Variants in MGAM observed in about 807,000 individuals in gnomAD.
MGAM encodes the protein alpha-1,4-glucosidase.
MGAM carries 253 observed loss-of-function variants against 358.8 expected under a neutral mutation model. The ratio of observed to expected loss-of-function variants is 0.71; its 90% confidence interval spans 0.64 to 0.78. The LOEUF (loss-of-function observed/expected upper bound fraction) is 0.78, where lower values mean the gene tolerates loss of function less well. Among genes scored for constraint, MGAM ranks in the 30% least tolerant of loss-of-function variants. The probability of loss-of-function intolerance (pLI) is 0.00; values close to 1 mark genes in which losing one functional copy is unlikely to be tolerated. For missense variants in MGAM, 3,080 were observed against 3,432.6 expected, an observed-to-expected ratio of 0.90 and a Z score of 2.57; for synonymous variants, 1,105 against 1,227.1, an observed-to-expected ratio of 0.90 and a Z score of 2.08.
chr7:142,050,973 G>T, intron 24 of MGAM, 109 bp downstream of exon 24: 1 of 1,451,404 alleles, frequency 6.9e-7, no homozygotes, highest in Non-Finnish European at 9.6e-7. Flanking sequence ...CACCTTTGAG[G>T]CCTGTTTTGG....
intron 24 of MGAM, 84 bp from the exon 25 acceptor site, chr7:142,052,210 T>G: frequency 1.7e-6 from 2 of 1,207,744 alleles, no homozygotes; most frequent in African/African-American, 3.1e-5. Flanking sequence ...ATTTCTATTT[T>G]TTTTTTATCG....
chr7:142,006,739 C>T (rs782461104), intron 2 of MGAM, among the ~76,000 whole-genome samples: 17 of 152,036 alleles, frequency 1.1e-4, no homozygotes, highest in African/African-American at 2.9e-4. Flanking sequence ...TTTTGGTACC[C>T]GTAGAGCAGA....
At chr7:142,033,705 A>G (rs1422862210) in intron 14 of MGAM, among the ~76,000 whole-genome samples, 1 of 152,006 alleles carries the variant, frequency 6.6e-6, no homozygotes, top group African/African-American at 2.4e-5. Flanking sequence ...GGAAATATGA[A>G]CCTGACATTA....
chr7:142,071,860 T>C (rs7785703), intron 44 of MGAM, among the ~76,000 whole-genome samples: 14,084 of 146,270 alleles, frequency 0.096, 2,101 homozygotes, highest in African/African-American at 0.23. Flanking sequence ...ATAGATTCCA[T>C]CTGTACTAAA....
chr7:142,047,552 T>A (rs951307937), intron 21 of MGAM, among the ~76,000 whole-genome samples: 2 of 152,202 alleles, frequency 1.3e-5, no homozygotes, highest in Non-Finnish European at 2.9e-5. Flanking sequence ...GGTGCTTAAG[T>A]TCTTGCCTCT....
At chr7:141,991,816 A>G (rs1288840813), upstream of MGAM, among the ~76,000 whole-genome samples, 2 of 152,098 alleles carry the variant, frequency 1.3e-5, no homozygotes, top group Non-Finnish European at 2.9e-5. Flanking sequence ...TGCTTTTCTA[A>G]TATCTCCAAG....
chr7:142,048,371 A>G (rs1265856972), intron 22 of MGAM, among the ~76,000 whole-genome samples: 1 of 151,450 alleles, frequency 6.6e-6, no homozygotes, highest in Non-Finnish European at 1.5e-5. Context: ...GATGATCTCG[A>G]TCTCCTAAAT....
chr7:142,026,198 G>A (rs1554460902), intron 8 of MGAM, among the ~76,000 whole-genome samples: 1 of 150,794 alleles, frequency 6.6e-6, no homozygotes, highest in Admixed American at 6.6e-5. Context: ...TACAATTTCT[G>A]ACTTTTTTTT....
At position 142,061,667 on chromosome 7, in the gene MGAM, A is replaced by G. The variant is rs1273117374; in HGVS notation, c.4123-901A>G. ...AGCATTCTTTAGCTCTTTCACTCTTACAATGGTGTGATTATCATAGAGGAG... is the reference window on the plus strand; with the variant it reads ...AGCATTCTTTAGCTCTTTCACTCTTGCAATGGTGTGATTATCATAGAGGAG... On this transcript the variant is annotated intron_variant, in intron 34 of 70. Transcript: ENST00000475668. Among the ~76,000 whole-genome samples, 5 of 152,136 alleles carry G rather than the reference A, an allele frequency of 3.3e-5. No individual in the cohort carries two copies. In the South Asian group the frequency reaches 8.3e-4, roughly 25 times the overall value.
intron 34 of MGAM, 46 bp downstream of exon 34, chr7:142,060,419 A>G: frequency 6.3e-7 from 1 of 1,597,420 alleles, no homozygotes; most frequent in South Asian, 1.1e-5. Context: ...GTTTGTAGGC[A>G]GGGGCAGCTG....
chr7:141,989,288 A>G (rs1328932826), intron 2 of MGAM, among the ~76,000 whole-genome samples: 2 of 152,170 alleles, frequency 1.3e-5, no homozygotes, highest in Non-Finnish European at 2.9e-5. Flanking sequence ...AATTTAAGCT[A>G]ATGATACTGC....
rs1478666528 is a variant in MGAM, at chr7:142,069,064, A to T, written c.5061+361A>T. Among the ~76,000 whole-genome samples the T allele has an allele frequency of 1.4e-5, 2 of 146,182 alleles. 1 individual carries two copies. The highest frequency in any genetic ancestry group is 3.1e-5 in the Non-Finnish European group (2 of 64,648). On this transcript the variant is annotated intron_variant, in intron 43 of 70. Coordinates refer to ENST00000475668, the MANE Select transcript of MGAM (RefSeq NM_001365693.1). ...GTTGCAAACTATAGTTTTTGTTTTT[A>T]TTGTTGATATCTTTGCCTGCTGTAA...
At chr7:142,050,963 C>A in intron 24 of MGAM, 99 bp downstream of exon 24, 2 of 1,521,360 alleles carry the variant, frequency 1.3e-6, no homozygotes, top group Non-Finnish European at 1.8e-6. Context: ...AGGACCAGGG[C>A]ACCTTTGAGG....
intron 35 of MGAM, 37 bp from the exon 36 acceptor site, chr7:142,063,462 T>G (rs28446896): frequency 0.091 from 144,992 of 1,600,258 alleles, 10,253 homozygotes; most frequent in East Asian, 0.35. Context: ...CGTAATTATC[T>G]TAAAAAGTGA....
chr7:142,027,841 G>T, intron 10 of MGAM, 106 bp downstream of exon 10: 3 of 1,244,346 alleles, frequency 2.4e-6, no homozygotes, highest in East Asian at 2.7e-5. Context: ...TTATTTATTT[G>T]GTAATGAAAG....
At chr7:142,005,152 G>A (rs115217740) in intron 1 of MGAM, among the ~76,000 whole-genome samples, 3,037 of 151,938 alleles carry the variant, frequency 0.02, 107 homozygotes, top group African/African-American at 0.069. Flanking sequence ...AATTATAAAA[G>A]TTTATCAGAC....
At chr7:142,011,643 C>A (rs1805605088) in intron 3 of MGAM, among the ~76,000 whole-genome samples, 2 of 152,128 alleles carry the variant, frequency 1.3e-5, no homozygotes, top group African/African-American at 4.8e-5. Flanking sequence ...TGAAATCCTT[C>A]TAAGTAAAAT....
rs906776942 is a variant in MGAM, at chr7:142,038,595, A to G, written c.2296A>G (p.Ile766Val). 3 of 1,610,710 alleles carry G rather than the reference A, an allele frequency of 1.9e-6. No homozygotes were observed. Among genetic ancestry groups the G allele is most frequent in the Non-Finnish European group, 2.5e-6 (3 of 1,178,472 alleles). The change falls in exon 19 of 71, where the codon ATC becomes GTC. Residue 766 changes from isoleucine (I) to valine (V), a missense_variant. Physicochemically the swap from Ile to Val is conservative, Grantham distance 29. Around this residue, in one of 5 missense-constraint regions of MGAM, gnomAD observed 1,816 missense variants for 1,840.5 expected, o/e 0.99. Coordinates refer to ENST00000475668, the MANE Select transcript of MGAM (RefSeq NM_001365693.1). The part of the protein sequence containing the change: ...QQFLWGPGLL[I>V]TPVLDEGAEK... ...GTTCTTATGGGGGCCCGGCCTCCTC[A>G]TCACTCCAGTTCTGGATGAAGTAAG...
chr7:142,042,166 TATATAATATATAACATATTATATATAC>T (rs1190706703), intron 21 of MGAM, among the ~76,000 whole-genome samples: 1,753 of 9,660 alleles, frequency 0.18, 63 homozygotes, highest in Non-Finnish European at 0.2. Context: ...ATACATATAA[TATATAATATATAACATATTATATATAC>T]ATATAATATA....
Sources: allele counts gnomAD v4.1 joint callset (sites outside exome capture counted in the v4.1 genomes callset), GRCh38; gene constraint gnomAD v4.1.1; regional missense constraint gnomAD v4.1.1; transcripts MANE v1.5; gene names NCBI Gene and HGNC (gene_info 2026-07-23, HGNC 2026-07-21).